The following SLCO3A1 variants were observed in gnomAD, a reference collection of about 807,000 sequenced individuals.
SLCO3A1 encodes the protein solute carrier organic anion transporter family member 3A1.
A neutral mutation model predicts 63.1 loss-of-function variants in SLCO3A1; 27 were observed. The observed-to-expected ratio is 0.43, with a 90% CI of 0.32 to 0.59. SLCO3A1 has a LOEUF of 0.59. Among genes scored for constraint, SLCO3A1 ranks in the 20% least tolerant of loss-of-function variants. The pLI is 0.09. For synonymous variants in SLCO3A1, 473 were observed against 409.9 expected (o/e 1.15, Z -1.86); for missense variants, 773 against 945.8 (o/e 0.82, Z 2.40).
chr15:92,070,184 A>C (rs2047198199), intron 2 of SLCO3A1, among the ~76,000 whole-genome samples: 1 of 152,246 alleles, frequency 6.6e-6, no homozygotes, highest in South Asian at 2.1e-4. Flanking sequence ...CCTGGCTTTC[A>C]AAATGGGTTT....
intron 2 of SLCO3A1, among the ~76,000 whole-genome samples, chr15:91,945,289 C>G (rs1391725240): frequency 6.6e-6 from 1 of 151,052 alleles, no homozygotes; most frequent in Admixed American, 6.6e-5. Flanking sequence ...TTGCAGTGAA[C>G]CTAGATTATA....
Position 92,016,254 on chromosome 15 carries a change from T to TAGATTGATTAGATAGATAGATAGA in SLCO3A1, c.647-78627_647-78626insAGATTGATTAGATAGATAGATAGA. Among the ~76,000 whole-genome samples the TAGATTGATTAGATAGATAGATAGA allele has an allele frequency of 4.5e-3, 434 of 95,696 alleles. 6 individuals carry two copies. The highest frequency in any genetic ancestry group is 5.2e-3 in the Non-Finnish European group (244 of 46,496). The allele number at this position is 95,696 out of a possible 152,430, so 62.8% of individuals were successfully genotyped here. On this transcript the variant is annotated intron_variant, in intron 2 of 9. Coordinates refer to ENST00000318445, the MANE Select transcript of SLCO3A1 (RefSeq NM_013272.4). Reference sequence around the variant, plus strand: ...ATAGATAGATAGATAGATAGATAGATTAGATAGATAGATAGATAGATAGAT... The same window carrying TAGATTGATTAGATAGATAGATAGA: ...ATAGATAGATAGATAGATAGATAGATAGATTGATTAGATAGATAGATAGATAGATAGATAGATAGATAGATAGAT...
chr15:91,902,673 T>G (rs944330329), intron 1 of SLCO3A1, among the ~76,000 whole-genome samples: 3 of 152,088 alleles, frequency 2.0e-5, no homozygotes, highest in African/African-American at 7.2e-5. Context: ...TTGAAATGGT[T>G]GTTTTTGACA....
intron 2 of SLCO3A1, among the ~76,000 whole-genome samples, chr15:92,022,456 T>C (rs2046521910): frequency 1.3e-5 from 2 of 152,174 alleles, no homozygotes; most frequent in Non-Finnish European, 1.5e-5. Context: ...TGCCTTAAAG[T>C]GTAGGAAGCT....
chr15:91,879,899 T>G (rs531334161), intron 1 of SLCO3A1, among the ~76,000 whole-genome samples: 2 of 152,152 alleles, frequency 1.3e-5, no homozygotes, highest in Admixed American at 1.3e-4. Flanking sequence ...ACAGAGATTT[T>G]ATGTAAGGAC....
rs138215344 is a variant in SLCO3A1 at position 91,970,887 on chromosome 15, T to TTG, written c.646+54444_646+54445dup. Among the ~76,000 whole-genome samples the TTG allele has an allele frequency of 6.0e-4, 91 of 150,974 alleles. No homozygotes were observed. In the Middle Eastern group the frequency reaches 0.01, roughly 17 times the overall value. On this transcript the variant is annotated intron_variant, in intron 2 of 9. Coordinates refer to ENST00000318445, the MANE Select transcript of SLCO3A1 (RefSeq NM_013272.4). ...CCAACCAGATGAAGGGTGTGTGTGT[T>TTG]TGTGTGTGTGTGTGTGCATGTGTGC... is the stretch of plus-strand genomic sequence containing the variant.
intron 3 of SLCO3A1, among the ~76,000 whole-genome samples, chr15:92,102,514 A>G (rs1029108248): frequency 1.3e-5 from 2 of 152,206 alleles, no homozygotes; most frequent in African/African-American, 4.8e-5. Flanking sequence ...TGATGCAGCT[A>G]AGACTCAAGG....
At chr15:91,997,212 C>T (rs866731895) in intron 2 of SLCO3A1, among the ~76,000 whole-genome samples, 16 of 152,272 alleles carry the variant, frequency 1.1e-4, no homozygotes, top group Middle Eastern at 6.8e-3. Context: ...AAATAACATT[C>T]AAGCCAAAAG....
chr15:92,164,554 C>A lies in SLCO3A1; in HGVS notation c.*1419C>A. On this transcript the variant is annotated 3_prime_UTR_variant, in exon 10 of 10. Coordinates refer to ENST00000318445, the MANE Select transcript of SLCO3A1 (RefSeq NM_013272.4). ...TGGGTTTGTGTGTATGGGTGCAACA[C>A]TTCCGGGGATAGGAAAGAAGAACAG... 1.0e-6 allele frequency: 1 copy of A among 985,396 alleles called. No individual in the cohort carries two copies. The highest frequency in any genetic ancestry group is 1.2e-6 in the Non-Finnish European group (1 of 829,932). 61.0% of individuals were successfully genotyped at this position (985,396 alleles called of 1,614,324 possible). A position where few individuals can be genotyped will look rare whatever the true frequency, so the allele number is the denominator to read the frequency against.
chr15:91,992,858 G>A (rs2046143554), intron 2 of SLCO3A1, among the ~76,000 whole-genome samples: 1 of 152,156 alleles, frequency 6.6e-6, no homozygotes. Context: ...AACATTATTG[G>A]AAAGGTCATC....
chr15:92,076,386 C>T (rs760840092), intron 2 of SLCO3A1, among the ~76,000 whole-genome samples: 15 of 152,080 alleles, frequency 9.9e-5, no homozygotes, highest in Non-Finnish European at 2.1e-4. Flanking sequence ...AGCCTATGTT[C>T]TGCTGCATGT....
intron 1 of SLCO3A1, among the ~76,000 whole-genome samples, chr15:91,880,105 CCG>C (rs1223849607): frequency 5.6e-5 from 4 of 72,022 alleles, no homozygotes; most frequent in African/African-American, 1.4e-4. Flanking sequence ...GTGTGTCCGT[CCG>C]TCCGTCCGTC....
At chr15:92,002,872 G>A (rs1032591632) in intron 2 of SLCO3A1, among the ~76,000 whole-genome samples, 2 of 152,106 alleles carry the variant, frequency 1.3e-5, no homozygotes, top group African/African-American at 4.8e-5. Context: ...CTCAGTATAG[G>A]ATCATTTAGA....
At chr15:92,114,188 T>C (rs2047764056) in intron 4 of SLCO3A1, among the ~76,000 whole-genome samples, 1 of 152,210 alleles carries the variant, frequency 6.6e-6, no homozygotes, top group Admixed American at 6.5e-5. Context: ...GGTCTGAATA[T>C]GTTTCCACCC....
chr15:92,079,854 G>A (rs1252792259), intron 2 of SLCO3A1, among the ~76,000 whole-genome samples: 1 of 152,246 alleles, frequency 6.6e-6, no homozygotes, highest in Non-Finnish European at 1.5e-5. Flanking sequence ...GCCCCTTGCT[G>A]GGGGCTTGGG....
chr15:91,867,369 C>T (rs370598087), intron 1 of SLCO3A1, among the ~76,000 whole-genome samples: 6 of 152,126 alleles, frequency 3.9e-5, no homozygotes, highest in Admixed American at 1.3e-4. Flanking sequence ...GTATGGGTGC[C>T]ACATGGGAGG....
chr15:92,037,970 G>A (rs1280158865), intron 2 of SLCO3A1, among the ~76,000 whole-genome samples: 2 of 152,204 alleles, frequency 1.3e-5, no homozygotes, highest in Admixed American at 6.5e-5. Context: ...GAGAAGAGCA[G>A]TTAATCTCAC....
intron 2 of SLCO3A1, among the ~76,000 whole-genome samples, chr15:91,970,048 G>A (rs981497030): frequency 2.0e-5 from 3 of 152,130 alleles, no homozygotes; most frequent in African/African-American, 7.2e-5. Flanking sequence ...AGGCAAAAAG[G>A]CTATTTCTGC....
chr15:91,992,601 T>C (rs544050410), intron 2 of SLCO3A1, among the ~76,000 whole-genome samples: 3 of 152,292 alleles, frequency 2.0e-5, no homozygotes, highest in African/African-American at 2.4e-5. Context: ...ACATGGATCA[T>C]TGTGCTGTCG....
Sources: allele counts gnomAD v4.1 joint callset (sites outside exome capture counted in the v4.1 genomes callset), GRCh38; gene constraint gnomAD v4.1.1; transcripts MANE v1.5; gene names NCBI Gene and HGNC (gene_info 2026-07-23, HGNC 2026-07-21).